Variants in HEATR6 observed in about 807,000 individuals in gnomAD.
HEATR6 encodes the protein HEAT repeat-containing protein 6.
A neutral mutation model predicts 132.8 loss-of-function variants in HEATR6; 106 were observed. The ratio of observed to expected loss-of-function variants is 0.80; its 90% CI spans 0.68 to 0.94. The LOEUF (loss-of-function observed/expected upper bound fraction) is 0.94, where lower values mean the gene tolerates loss of function less well. Among genes scored for constraint, HEATR6 ranks in the 40% least tolerant of loss-of-function variants. The pLI, the probability that HEATR6 is intolerant of heterozygous loss-of-function variation, is 0.00. For missense variants in HEATR6, 1,339 were observed against 1,425.1 expected, an observed-to-expected ratio of 0.94 and a Z score of 0.97; for synonymous variants, 529 against 537.8, an observed-to-expected ratio of 0.98 and a Z score of 0.23.
At chr17:60,059,009 T>G (rs1428725849) in intron 11 of HEATR6, among the ~76,000 whole-genome samples, 1 of 152,248 alleles carries the variant, frequency 6.6e-6, no homozygotes, top group Non-Finnish European at 1.5e-5. Flanking sequence ...AGTTAAATTT[T>G]GTATTCCAGT....
Position 60,070,817 on chromosome 17 carries a change from A to G in HEATR6, c.700-10T>C. The G allele has an allele frequency of 7.1e-7, 1 of 1,400,824 alleles. No individual in the cohort carries two copies. The highest frequency in any genetic ancestry group is 1.2e-5 in the South Asian group (1 of 86,746). 86.8% of individuals were successfully genotyped at this position (1,400,824 alleles called of 1,614,324 possible). On this transcript the variant is annotated splice_polypyrimidine_tract_variant and intron_variant, in intron 5 of 19. Coordinates refer to ENST00000184956, the MANE Select transcript of HEATR6 (RefSeq NM_022070.5). ...ATGCATTTTGCAATAACTAGGGGGA[A>G]AAGGGAGACCCAGTTAGAAGGCAGA...
chr17:60,058,097 G>A (rs1450258664), intron 11 of HEATR6, among the ~76,000 whole-genome samples: 1 of 152,100 alleles, frequency 6.6e-6, no homozygotes, highest in East Asian at 1.9e-4. Context: ...GCTATTCCAG[G>A]TCTTTTGCAT....
intron 19 of HEATR6, 34 bp downstream of exon 19, chr17:60,045,991 C>T (rs1906351576): frequency 6.8e-7 from 1 of 1,472,938 alleles, no homozygotes. Context: ...TCCCAAGAGG[C>T]TTTCCACCAG....
In HEATR6 at chr17:60,078,845, G is replaced by A. The variant is rs769833572; in HGVS notation, c.70C>T (p.Pro24Ser). Residue 24 changes from proline to serine, a missense_variant, in exon 1 of 20, where the codon CCT becomes TCT. Transcript: ENST00000184956. The stretch of plus-strand genomic sequence containing the variant: ...AGGCGAAACCCATTGCCTCGCTCAG[G>A]GATTGCTTCCCGCGGTGCCTCCCGC... ...QPREAPREAIPERGNGFRLLS... is the reference protein window; with the variant it reads ...QPREAPREAISERGNGFRLLS... The A allele has an allele frequency of 6.2e-7, 1 of 1,609,320 alleles. No homozygotes were observed. Among genetic ancestry groups the A allele is most frequent in the Non-Finnish European group, 8.5e-7 (1 of 1,178,984 alleles).
intron 19 of HEATR6, among the ~76,000 whole-genome samples, chr17:60,045,466 A>G (rs1906335896): frequency 6.6e-6 from 1 of 152,228 alleles, no homozygotes; most frequent in Non-Finnish European, 1.5e-5. Context: ...ATCAAGGTGC[A>G]TGGCATGCCA....
chr17:60,071,227 C>T (rs939120803), intron 5 of HEATR6, among the ~76,000 whole-genome samples: 10 of 152,116 alleles, frequency 6.6e-5, no homozygotes, highest in Non-Finnish European at 1.3e-4. Flanking sequence ...ATTATAGAAA[C>T]TTGGTTTCTG....
At chr17:60,052,899 C>T (rs1322252400) in intron 14 of HEATR6, among the ~76,000 whole-genome samples, 1 of 152,104 alleles carries the variant, frequency 6.6e-6, no homozygotes, top group Non-Finnish European at 1.5e-5. Context: ...GTGTTAGCAT[C>T]TTTACATGTC....
chr17:60,077,403 G>A (rs1357879638), intron 1 of HEATR6, among the ~76,000 whole-genome samples: 1 of 152,220 alleles, frequency 6.6e-6, no homozygotes, highest in Admixed American at 6.5e-5. Context: ...AAAAGGGGGA[G>A]TAACAGGAGA....
intron 14 of HEATR6, among the ~76,000 whole-genome samples, chr17:60,053,608 T>C (rs778512819): frequency 5.9e-5 from 9 of 151,892 alleles, no homozygotes; most frequent in Non-Finnish European, 1.0e-4. Context: ...ATATGGAGAG[T>C]GAAAGCCAGG....
Position 60,067,734 on chromosome 17 carries a change from T to C in HEATR6, c.940-2A>G. 1.9e-6 allele frequency: 3 copies of C among 1,608,232 alleles called. No individual in the cohort carries two copies. The South Asian group carries it at 3.3e-5, about 18-fold the overall frequency. ...TACTTTGGATTTTTTCTTTTTATTC[T>C]GATTGTGGGAGCAAATGAAGACATA... On this transcript the variant is annotated splice_acceptor_variant, in intron 7 of 19. Coordinates refer to ENST00000184956, the MANE Select transcript of HEATR6 (RefSeq NM_022070.5). LOFTEE classifies it high-confidence loss of function.
intron 2 of HEATR6, among the ~76,000 whole-genome samples, chr17:60,074,590 C>T (rs900161577): frequency 1.3e-5 from 2 of 152,208 alleles, no homozygotes; most frequent in Non-Finnish European, 2.9e-5. Flanking sequence ...CTGTTGGTTA[C>T]CTACTAGCAT....
Position 60,078,852 on chromosome 17 carries a change from T to A in HEATR6, c.63A>T (p.Glu21Asp). ...ACCCATTGCCTCGCTCAGGGATTGC[T>A]TCCCGCGGTGCCTCCCGCGGCTGCA... ...PSVQPREAPREAIPERGNGFR... is the reference protein window; with the variant it reads ...PSVQPREAPRDAIPERGNGFR... The change falls in exon 1 of 20, where the codon GAA (glutamate) becomes GAT (aspartate). Residue 21 changes from glutamate (E) to aspartate (D), a missense_variant. Physicochemically the swap from Glu to Asp is conservative, Grantham distance 45. Coordinates refer to ENST00000184956, the MANE Select transcript of HEATR6 (RefSeq NM_022070.5). 6.9e-7 allele frequency: 1 copy of A among 1,453,746 alleles called. No individual in the cohort carries two copies. Among genetic ancestry groups the A allele is most frequent in the Non-Finnish European group, 9.2e-7 (1 of 1,082,612 alleles). The allele number at this position is 1,453,746 out of a possible 1,614,324, so 90.1% of individuals were successfully genotyped here. A position where few individuals can be genotyped will look rare whatever the true frequency, so the allele number is the denominator to read the frequency against.
chr17:60,048,998 A>AGCG (rs1568608518), intron 16 of HEATR6, among the ~76,000 whole-genome samples: 2 of 128,452 alleles, frequency 1.6e-5, no homozygotes, highest in African/African-American at 6.2e-5. Flanking sequence ...ATATATATAT[A>AGCG]TATATATATA....
intron 10 of HEATR6, 37 bp downstream of exon 10, chr17:60,059,851 CAG>C (rs1484531847): frequency 6.7e-7 from 1 of 1,484,194 alleles, no homozygotes; most frequent in South Asian, 1.1e-5. Context: ...AAAATTAAAA[CAG>C]AGAAGCCTGC....
At position 60,057,448 on chromosome 17, in the gene HEATR6, C is replaced by A. The variant is rs773381261; in HGVS notation, c.1724-45G>T. 3.2e-6 allele frequency: 4 copies of A among 1,262,524 alleles called. No homozygotes were observed. The South Asian group carries it at 5.7e-5, about 18-fold the overall frequency. The allele number at this position is 1,262,524 out of a possible 1,614,324, so 78.2% of individuals were successfully genotyped here. ...GAACTTATCATCATGGCAACAACTA[C>A]TGTAAAGATGGTAGTTATCCCAGCA... On this transcript the variant is annotated intron_variant, in intron 11 of 19. Coordinates refer to ENST00000184956, the MANE Select transcript of HEATR6 (RefSeq NM_022070.5).
chr17:60,067,378 T>C, intron 8 of HEATR6, 56 bp downstream of exon 8: 1 of 1,294,804 alleles, frequency 7.7e-7, no homozygotes, highest in African/African-American at 1.5e-5. Context: ...GGTTAAGTTA[T>C]AAACTTACAT....
chr17:60,072,142 C>T (rs887741596), intron 5 of HEATR6, 73 bp downstream of exon 5: 24 of 633,966 alleles, frequency 3.8e-5, no homozygotes, highest in Non-Finnish European at 5.4e-5. Flanking sequence ...AAATTAAACT[C>T]GTTAGTAACA....
At position 60,044,007 on chromosome 17, in the gene HEATR6, C is replaced by A; in HGVS notation, c.3102G>T (p.Gly1034=). ...LSVPGKREQY[G]SVDQYARIWN... ...AGATCCGAGCATACTGGTCAACAGACCCGTACTGCTCTCTCTTCCCCGGGA... is the reference window on the plus strand; with the variant it reads ...AGATCCGAGCATACTGGTCAACAGAACCGTACTGCTCTCTCTTCCCCGGGA... The change falls in exon 20 of 20, where the codon GGG becomes GGT. Residue 1034 remains glycine (G), a synonymous_variant. Coordinates refer to ENST00000184956, the MANE Select transcript of HEATR6 (RefSeq NM_022070.5). 6 of 1,614,146 alleles carry A rather than the reference C, an allele frequency of 3.7e-6. No homozygotes were observed. Among genetic ancestry groups the A allele is most frequent in the Non-Finnish European group, 5.1e-6 (6 of 1,180,042 alleles).
chr17:60,045,082 C>T (rs894714562), intron 19 of HEATR6, among the ~76,000 whole-genome samples: 2 of 152,208 alleles, frequency 1.3e-5, no homozygotes, highest in African/African-American at 4.8e-5. Context: ...AAGGGCCATA[C>T]AGGAAGGCTG....
Sources: gnomAD v4.1 joint callset for allele counts (sites outside exome capture counted in the v4.1 genomes callset) on GRCh38, gnomAD v4.1.1 for gene constraint, MANE v1.5 for transcripts, NCBI Gene and HGNC (gene_info 2026-07-23, HGNC 2026-07-21) for gene names.